NRP2: variants seen among roughly 807,000 people sequenced by gnomAD.
The protein encoded by NRP2 is neuropilin 2.
Under a neutral mutation model 110.4 loss-of-function variants are expected in NRP2, and 52 were observed. The observed-to-expected ratio is 0.47, with a 90% CI of 0.38 to 0.59. The LOEUF is 0.59. Among genes scored for constraint, NRP2 ranks in the 20% least tolerant of loss-of-function variants. The pLI, the probability that NRP2 is intolerant of heterozygous loss-of-function variation, is 0.00. For missense variants in NRP2, 1,049 were observed against 1,203.0 expected (o/e 0.87, Z 1.89); for synonymous variants, 508 against 468.9 (o/e 1.08, Z -1.08).
At chr2:205,779,733 C>A (rs191603725) in intron 15 of NRP2, 1 of 151,870 alleles carries the variant, frequency 6.6e-6, no homozygotes, top group Admixed American at 6.6e-5. Context: ...GTTTTTTTTC[C>A]CTTTGCCTGT....
intron 10 of NRP2, 39 bp downstream of exon 10, chr2:205,745,929 T>G (rs962071650): frequency 6.2e-7 from 1 of 1,612,328 alleles, no homozygotes; most frequent in African/African-American, 1.3e-5. Flanking sequence ...CTCACCCACA[T>G]GGTCCTCTGA....
At chr2:205,744,847 C>A (rs946979978) in intron 9 of NRP2, among the ~76,000 whole-genome samples, 1 of 152,194 alleles carries the variant, frequency 6.6e-6, no homozygotes. Flanking sequence ...ATCGATGGAG[C>A]AGAAGTTGGA....
At chr2:205,690,653 G>A (rs938376476) in intron 1 of NRP2, among the ~76,000 whole-genome samples, 22 of 150,566 alleles carry the variant, frequency 1.5e-4, no homozygotes, top group South Asian at 4.2e-4. Context: ...GGTGGTGGGC[G>A]CCTATAATCC....
At chr2:205,770,078 T>C (rs2057996189) in intron 15 of NRP2, among the ~76,000 whole-genome samples, 1 of 152,146 alleles carries the variant, frequency 6.6e-6, no homozygotes, top group Non-Finnish European at 1.5e-5. Context: ...GACGATCTGG[T>C]GCCCTACCTG....
chr2:205,768,408 C>G (rs1416503778), intron 15 of NRP2: 3 of 152,224 alleles, frequency 2.0e-5, no homozygotes, highest in Non-Finnish European at 2.9e-5. Context: ...TGTGGAGACT[C>G]ACAGCTCCCA....
chr2:205,732,297 TA>T (rs1394755702), intron 7 of NRP2, among the ~76,000 whole-genome samples: 1 of 152,192 alleles, frequency 6.6e-6, no homozygotes, highest in Non-Finnish European at 1.5e-5. Context: ...TCAAAACAAA[TA>T]AACACTCCAC....
intron 12 of NRP2, among the ~76,000 whole-genome samples, chr2:205,754,611 T>C (rs2057703620): frequency 6.6e-6 from 1 of 152,170 alleles, no homozygotes; most frequent in Non-Finnish European, 1.5e-5. Context: ...TGGGAAAAAA[T>C]ACTTATTTTT....
chr2:205,758,060 T>C (rs937127909), intron 12 of NRP2, among the ~76,000 whole-genome samples: 3 of 152,178 alleles, frequency 2.0e-5, no homozygotes, highest in East Asian at 1.9e-4. Flanking sequence ...GGGCTAGGAC[T>C]GAAACCTTCA....
In NRP2 at chr2:205,749,778, A is replaced by C; in HGVS notation, c.1840A>C (p.Thr614Pro). ...LGPTVKSEET[T>P]TPYPTEEEAT... ...ACCCACTGTGAAGAGCGAAGAGACA[A>C]CCACCCCCTACCCCACCGAAGAGGA... Residue 614 changes from threonine (T) to proline (P), a missense_variant, in exon 11 of 17, where the codon ACC becomes CCC. Thr to Pro is a conservative substitution (Grantham distance 38). Transcript: ENST00000357785. 1.2e-6 allele frequency: 2 copies of C among 1,614,116 alleles called. No homozygotes were observed. Among genetic ancestry groups the C allele is most frequent in the Non-Finnish European group, 1.7e-6 (2 of 1,180,004 alleles).
At chr2:205,727,824 G>A (rs2057157349) in intron 6 of NRP2, 67 bp from the exon 7 acceptor site, 3 of 1,502,918 alleles carry the variant, frequency 2.0e-6, no homozygotes, top group Non-Finnish European at 1.8e-6. Context: ...TGTGTCCTTT[G>A]GAAAAAAACA....
intron 15 of NRP2, chr2:205,768,414 T>C (rs1323098558): frequency 6.6e-6 from 1 of 152,230 alleles, no homozygotes; most frequent in Non-Finnish European, 1.5e-5. Flanking sequence ...GACTCACAGC[T>C]CCCAGAAAGG....
intron 16 of NRP2, 110 bp downstream of exon 16, chr2:205,792,395 G>A: frequency 1.3e-6 from 1 of 775,148 alleles, no homozygotes. Flanking sequence ...AGAACTATCA[G>A]TCAGAAATAT....
chr2:205,723,827 C>T lies in NRP2; in HGVS notation c.707C>T (p.Ser236Phe), dbSNP rs765979081. Residue 236 changes from serine to phenylalanine, a missense_variant, in exon 5 of 17, where the codon TCT (serine) becomes TTT (phenylalanine). Transcript: ENST00000357785. ...IGKYCGTKTP[S>F]ELRSSTGILS... is the part of the protein sequence containing the mutation. ...AAGTACTGTGGGACCAAAACACCCT[C>T]TGAACTTCGTTCATCGACGGGGATC... The T allele has an allele frequency of 6.2e-7, 1 of 1,614,244 alleles. No homozygotes were observed. The highest frequency in any genetic ancestry group is 2.2e-5 in the East Asian group (1 of 44,878).
At chr2:205,749,614 C>A in intron 10 of NRP2, 111 bp from the exon 11 acceptor site, 1 of 855,314 alleles carries the variant, frequency 1.2e-6, no homozygotes, top group Non-Finnish European at 2.0e-6. Context: ...GAGTTCCGTG[C>A]ACATGTGTGC....
chr2:205,744,135 G>A (rs1168026511), intron 9 of NRP2, among the ~76,000 whole-genome samples: 1 of 152,138 alleles, frequency 6.6e-6, no homozygotes, highest in African/African-American at 2.4e-5. Context: ...TTGATATCAT[G>A]CCCAGGGTCA....
chr2:205,707,711 G>T (rs553303640), intron 2 of NRP2, among the ~76,000 whole-genome samples: 1 of 152,300 alleles, frequency 6.6e-6, no homozygotes, highest in East Asian at 1.9e-4. Context: ...GTACACTTCC[G>T]TTCCCAGCAG....
chr2:205,777,006 G>T (rs567412404), intron 15 of NRP2: 4 of 1,039,228 alleles, frequency 3.8e-6, no homozygotes, highest in Admixed American at 5.0e-5. Flanking sequence ...CTGGTTCATT[G>T]TGTGTGTGTT....
At chr2:205,731,760 G>T (rs1393706683) in intron 7 of NRP2, among the ~76,000 whole-genome samples, 1 of 152,204 alleles carries the variant, frequency 6.6e-6, no homozygotes, top group African/African-American at 2.4e-5. Context: ...GGATGGATGG[G>T]TGAAGATAGG....
intron 1 of NRP2, among the ~76,000 whole-genome samples, chr2:205,694,092 G>A (rs539035998): frequency 3.6e-4 from 55 of 152,242 alleles, no homozygotes; most frequent in African/African-American, 1.2e-3. Context: ...CTAAGTGAAG[G>A]GGTACAACAT....
Sources: allele counts gnomAD v4.1 joint callset (sites outside exome capture counted in the v4.1 genomes callset), GRCh38; gene constraint gnomAD v4.1.1; transcripts MANE v1.5; gene names NCBI Gene and HGNC (gene_info 2026-07-23, HGNC 2026-07-21).